Variants in FAM20B observed in about 807,000 individuals in gnomAD.
The protein encoded by FAM20B is glycosaminoglycan xylosylkinase.
FAM20B carries 23 observed loss-of-function variants against 43.8 expected under a neutral mutation model. That is an observed-to-expected ratio of 0.53 (90% CI 0.38 to 0.74). The LOEUF (loss-of-function observed/expected upper bound fraction) is 0.74. FAM20B is among the 30% of genes least tolerant of loss of function. The pLI, the probability that FAM20B is intolerant of heterozygous loss-of-function variation, is 0.00. For missense variants in FAM20B, 440 were observed against 510.5 expected (o/e 0.86, Z 1.33); for synonymous variants, 178 against 192.4 (o/e 0.93, Z 0.62).
In FAM20B at chr1:179,066,845, C is replaced by G. The variant is rs746377957; in HGVS notation, c.984C>G (p.Leu328=). 6.2e-7 allele frequency: 1 copy of G among 1,611,794 alleles called. No homozygotes were observed. The highest frequency in any genetic ancestry group is 1.3e-5 in the African/African-American group (1 of 74,880). ...SLDERSILAP[L]YQCCIIRVST... is the part of the protein sequence containing the mutation. Reference sequence around the variant, plus strand: ...ATGAAAGAAGCATTCTTGCCCCTCTCTATCAGTGTTGCATGTAAGTTATGC... The same window carrying G: ...ATGAAAGAAGCATTCTTGCCCCTCTGTATCAGTGTTGCATGTAAGTTATGC... The change falls in exon 7 of 8, where the codon CTC becomes CTG. Residue 328 remains leucine, a synonymous_variant. Transcript: ENST00000263733.
rs1354335380 is a variant in FAM20B, at chr1:179,044,147, T to C, written c.300T>C (p.Asp100=). 2.5e-6 allele frequency: 4 copies of C among 1,614,050 alleles called. No individual in the cohort carries two copies. In the South Asian group the frequency reaches 3.3e-5, roughly 13 times the overall value. ...AMATKKIIKA[D]VGYKGTQLKA... ...CCACCAAGAAAATCATTAAAGCTGA[T>C]GTGGGTTATAAAGGGACACAGCTGA... is the stretch of plus-strand genomic sequence containing the variant. Residue 100 remains aspartate, a synonymous_variant, in exon 2 of 8, where the codon GAT becomes GAC. Coordinates refer to ENST00000263733, the MANE Select transcript of FAM20B (RefSeq NM_014864.4).
chr1:179,027,754 GCTCT>G, intron 1 of FAM20B, among the ~76,000 whole-genome samples: 1 of 152,160 alleles, frequency 6.6e-6, no homozygotes, highest in Admixed American at 6.5e-5. Context: ...ACATTGGTAT[GCTCT>G]ATTCGTTTCT....
intron 2 of FAM20B, among the ~76,000 whole-genome samples, chr1:179,047,378 TC>T (rs1177776453): frequency 6.6e-6 from 1 of 152,174 alleles, no homozygotes; most frequent in Non-Finnish European, 1.5e-5. Context: ...TCCAGGGACT[TC>T]CCATTGCCCA....
At chr1:179,051,939 C>T (rs567933111) in intron 3 of FAM20B, among the ~76,000 whole-genome samples, 54 of 151,980 alleles carry the variant, frequency 3.6e-4, no homozygotes, top group South Asian at 2.5e-3. Flanking sequence ...TGAGTCACCA[C>T]GCCCAGCCTA....
intron 3 of FAM20B, among the ~76,000 whole-genome samples, chr1:179,051,304 G>A (rs1650996396): frequency 6.6e-6 from 1 of 151,944 alleles, no homozygotes; most frequent in South Asian, 2.1e-4. Context: ...GACTTTAAAA[G>A]AAACTGCTAA....
chr1:179,036,868 T>C (rs1175391780), intron 1 of FAM20B, among the ~76,000 whole-genome samples: 1 of 152,196 alleles, frequency 6.6e-6, no homozygotes, highest in Non-Finnish European at 1.5e-5. Flanking sequence ...AGAGATGGCC[T>C]TGGAGATGAG....
intron 2 of FAM20B, 29 bp downstream of exon 2, chr1:179,044,253 G>GC: frequency 6.4e-7 from 1 of 1,564,646 alleles, no homozygotes; most frequent in Non-Finnish European, 8.7e-7. Context: ...AGCTGCATGT[G>GC]CTAGTTGGTT....
upstream of FAM20B, among the ~76,000 whole-genome samples, chr1:179,022,977 A>G (rs1228467497): frequency 6.6e-6 from 1 of 152,242 alleles, no homozygotes; most frequent in Non-Finnish European, 1.5e-5. Flanking sequence ...TGGAGGAAGA[A>G]TCAATGTGAT....
At chr1:179,017,536 A>C in the FAM20B span, among the ~76,000 whole-genome samples, 8 of 152,196 alleles carry the variant, frequency 5.3e-5, no homozygotes, top group Admixed American at 5.2e-4. Flanking sequence ...TAAGATTTGC[A>C]GGGCTGGAAT....
At chr1:179,071,220 C>T (rs897812735) in intron 7 of FAM20B, among the ~76,000 whole-genome samples, 18 of 151,606 alleles carry the variant, frequency 1.2e-4, no homozygotes, top group Admixed American at 1.1e-3. Flanking sequence ...GGCGTGAACC[C>T]GGGAGGCAGA....
At chr1:179,062,442 G>C (rs184436558) in intron 4 of FAM20B, among the ~76,000 whole-genome samples, 2 of 152,132 alleles carry the variant, frequency 1.3e-5, no homozygotes, top group Admixed American at 1.3e-4. Context: ...ATGAGGTCAG[G>C]AGTTCTGAGA....
Position 179,070,448 on chromosome 1 carries a change from G to T in FAM20B, c.999-1465G>T, listed in dbSNP as rs1651870713. Reference sequence around the variant, plus strand: ...AGCATCTGACAAGGGACTTATTGCTGTGTCATCATGTCACATGGCAGAAGG... The same window carrying T: ...AGCATCTGACAAGGGACTTATTGCTTTGTCATCATGTCACATGGCAGAAGG... On this transcript the variant is annotated intron_variant, in intron 7 of 7. Coordinates refer to ENST00000263733, the MANE Select transcript of FAM20B (RefSeq NM_014864.4). Among the ~76,000 whole-genome samples the T allele has an allele frequency of 3.3e-5, 5 of 150,750 alleles. No homozygotes were observed. In the South Asian group the frequency reaches 1.0e-3, roughly 32 times the overall value.
the FAM20B span, among the ~76,000 whole-genome samples, chr1:179,020,154 T>C: frequency 1.7e-4 from 26 of 148,606 alleles, no homozygotes; most frequent in East Asian, 6.1e-4. Flanking sequence ...TGTGTGTGTA[T>C]ACACACACAC....
At chr1:179,059,606 G>A (rs1403432497) in intron 4 of FAM20B, among the ~76,000 whole-genome samples, 1 of 152,128 alleles carries the variant, frequency 6.6e-6, no homozygotes, top group Non-Finnish European at 1.5e-5. Flanking sequence ...TCCTATACCA[G>A]GCAGTATTTT....
chr1:179,055,165 G>A (rs988039204), intron 4 of FAM20B, among the ~76,000 whole-genome samples: 41 of 152,166 alleles, frequency 2.7e-4, no homozygotes, highest in African/African-American at 9.9e-4. Flanking sequence ...CATTGTGCCT[G>A]GAACTGGCTA....
intron 4 of FAM20B, among the ~76,000 whole-genome samples, chr1:179,058,739 A>G (rs1200467885): frequency 6.6e-6 from 1 of 152,208 alleles, no homozygotes; most frequent in East Asian, 1.9e-4. Context: ...AAGAGCTGAG[A>G]GCACTCTGGG....
intron 7 of FAM20B, among the ~76,000 whole-genome samples, chr1:179,067,840 C>T (rs1651753167): frequency 6.6e-6 from 1 of 151,894 alleles, no homozygotes; most frequent in African/African-American, 2.4e-5. Context: ...CTCAGCTCAC[C>T]GAAATCTCTG....
At chr1:179,071,066 G>T (rs955222542) in intron 7 of FAM20B, among the ~76,000 whole-genome samples, 13 of 151,712 alleles carry the variant, frequency 8.6e-5, no homozygotes, top group Non-Finnish European at 1.5e-4. Context: ...AGGCCGAGGC[G>T]GGCGGATCAC....
At chr1:179,030,092 T>G (rs1364634246) in intron 1 of FAM20B, among the ~76,000 whole-genome samples, 1 of 152,214 alleles carries the variant, frequency 6.6e-6, no homozygotes, top group Non-Finnish European at 1.5e-5. Flanking sequence ...GCTTCTTATC[T>G]GTGGAGTAGG....
Sources: allele counts gnomAD v4.1 joint callset (sites outside exome capture counted in the v4.1 genomes callset), GRCh38; gene constraint gnomAD v4.1.1; transcripts MANE v1.5; gene names NCBI Gene and HGNC (gene_info 2026-07-23, HGNC 2026-07-21).